Variants in DHRS3 observed in about 807,000 individuals in gnomAD.
DHRS3 encodes the protein dehydrogenase/reductase 3.
In DHRS3, 14 loss-of-function variants were observed where a neutral mutation model predicts 27.2. The observed-to-expected ratio is 0.52, with a 90% confidence interval of 0.34 to 0.81. DHRS3 has a LOEUF of 0.81. Among genes scored for constraint, DHRS3 ranks in the 30% least tolerant of loss-of-function variants. The pLI is 0.01. For synonymous variants in DHRS3, 165 were observed against 175.9 expected (o/e 0.94, Z 0.49); for missense variants, 322 against 406.2 (o/e 0.79, Z 1.78).
rs529181777 is a variant in DHRS3, at chr1:12,614,923, A to C, written c.195+2231T>G. Among the ~76,000 whole-genome samples, 1,000 of 151,568 alleles carry C rather than the reference A, an allele frequency of 6.6e-3. 11 individuals are homozygous for C. The highest frequency in any genetic ancestry group is 0.023 in the African/African-American group (959 of 41,290). On this transcript the variant is annotated intron_variant, in intron 1 of 5. Transcript: ENST00000616661. ...CACTGCAGGCTGCGGGTGGCACTGG[A>C]CCTCTCTGGTCTAGTACTCTTGGGC...
At chr1:12,580,364 A>C (rs1435355182) in intron 2 of DHRS3, 159 bp downstream of exon 2, 2 of 898,472 alleles carry the variant, frequency 2.2e-6, no homozygotes. Flanking sequence ...CTGCCTATGT[A>C]ACTGGGGCCA....
At chr1:12,588,286 G>A (rs772720907) in intron 1 of DHRS3, among the ~76,000 whole-genome samples, 3 of 152,200 alleles carry the variant, frequency 2.0e-5, no homozygotes, top group Non-Finnish European at 4.4e-5. Flanking sequence ...TAAATCTGTT[G>A]AGCAGTTGCC....
intron 5 of DHRS3, among the ~76,000 whole-genome samples, chr1:12,568,654 G>A (rs1404730305): frequency 7.2e-5 from 11 of 152,266 alleles, no homozygotes; most frequent in South Asian, 6.2e-4. Flanking sequence ...GGCTGGGCGC[G>A]GTGGCTCATG....
intron 1 of DHRS3, among the ~76,000 whole-genome samples, chr1:12,597,146 G>A (rs1208167543): frequency 2.6e-5 from 4 of 152,128 alleles, no homozygotes; most frequent in East Asian, 1.9e-4. Context: ...GCGCGATCTC[G>A]GCTCACTGCA....
chr1:12,590,781 G>A (rs1646739223), intron 1 of DHRS3, among the ~76,000 whole-genome samples: 1 of 152,206 alleles, frequency 6.6e-6, no homozygotes, highest in African/African-American at 2.4e-5. Flanking sequence ...GTGCTGGCCT[G>A]TCACTCGGGC....
intron 1 of DHRS3, among the ~76,000 whole-genome samples, 199 bp from the exon 2 acceptor site, chr1:12,580,865 C>A (rs2100662770): frequency 6.6e-6 from 1 of 152,184 alleles, no homozygotes; most frequent in Admixed American, 6.5e-5. Context: ...TTCTGTTGCC[C>A]AGGCTAGAAC....
chr1:12,608,329 G>A lies in DHRS3; in HGVS notation c.195+8825C>T, dbSNP rs575987615. On this transcript the variant is annotated intron_variant, in intron 1 of 5. Transcript: ENST00000616661. This position sits in a 1 kb window ranked among gnomAD's most constrained non-coding sequence, Gnocchi z 4.1. Reference sequence around the variant, plus strand: ...TGAATATTACTAGGAACGCAAGGAAGCCATCAGCATCCAGTTCAGAAGCCA... The same window carrying A: ...TGAATATTACTAGGAACGCAAGGAAACCATCAGCATCCAGTTCAGAAGCCA... Among the ~76,000 whole-genome samples the A allele has an allele frequency of 3.3e-5, 5 of 152,120 alleles. No individual in the cohort carries two copies. Among genetic ancestry groups the A allele is most frequent in the Non-Finnish European group, 7.4e-5 (5 of 68,024 alleles).
Position 12,608,807 on chromosome 1 carries a change from T to C in DHRS3, c.195+8347A>G, listed in dbSNP as rs1646888188. 6.6e-6 allele frequency among the ~76,000 whole-genome samples: 1 copy of C among 152,142 alleles called. No homozygotes were observed. The highest frequency in any genetic ancestry group is 6.5e-5 in the Admixed American group (1 of 15,272). On this transcript the variant is annotated intron_variant, in intron 1 of 5. Coordinates refer to ENST00000616661, the MANE Select transcript of DHRS3 (RefSeq NM_004753.7). This position sits in a 1 kb window ranked among gnomAD's most constrained non-coding sequence, Gnocchi z 4.1. ...GGCCTAGCATGGGCCTCCAGAACCA[T>C]CTAGAACAGGTCCCATGCCTCTGTG... is the stretch of plus-strand genomic sequence containing the variant.
At chr1:12,605,916 G>A (rs981018446) in intron 1 of DHRS3, among the ~76,000 whole-genome samples, 9 of 151,990 alleles carry the variant, frequency 5.9e-5, no homozygotes, top group Admixed American at 3.3e-4. Flanking sequence ...CGAGGCAGGC[G>A]GATCACAAGG....
In DHRS3 at chr1:12,610,848, C is replaced by T. The variant is rs113922075; in HGVS notation, c.195+6306G>A. ...TGTCTCCTGAAGACAACGGTGAGCACAGCCTTATAAAATTCTGGGTGTGTT... is the reference window on the plus strand; with the variant it reads ...TGTCTCCTGAAGACAACGGTGAGCATAGCCTTATAAAATTCTGGGTGTGTT... On this transcript the variant is annotated intron_variant, in intron 1 of 5. Coordinates refer to ENST00000616661, the MANE Select transcript of DHRS3 (RefSeq NM_004753.7). 3.7e-4 allele frequency among the ~76,000 whole-genome samples: 56 copies of T among 152,306 alleles called. 1 individual carries two copies. Among genetic ancestry groups the T allele is most frequent in the African/African-American group, 1.3e-3 (54 of 41,558 alleles).
chr1:12,614,532 G>A (rs1230941634), intron 1 of DHRS3, among the ~76,000 whole-genome samples: 5 of 149,366 alleles, frequency 3.3e-5, no homozygotes, highest in African/African-American at 9.9e-5. Context: ...AAAAACCCTC[G>A]CTTATTTGGG....
chr1:12,597,109 C>T (rs565118438), intron 1 of DHRS3, among the ~76,000 whole-genome samples: 5 of 152,296 alleles, frequency 3.3e-5, no homozygotes, highest in African/African-American at 9.6e-5. Flanking sequence ...CGGAGTCTCA[C>T]TCTGTCACCC....
At chr1:12,575,037 G>C (rs1246946276) in intron 4 of DHRS3, among the ~76,000 whole-genome samples, 1 of 152,132 alleles carries the variant, frequency 6.6e-6, no homozygotes, top group Admixed American at 6.5e-5. Context: ...CATCGAAGAG[G>C]CTCAATTGGC....
In DHRS3 at chr1:12,568,216, G is replaced by A. The variant is rs1366378393; in HGVS notation, c.*124C>T. 1.5e-5 allele frequency: 14 copies of A among 927,318 alleles called. No homozygotes were observed. Among genetic ancestry groups the A allele is most frequent in the African/African-American group, 3.3e-5 (2 of 61,220 alleles). 57.4% of individuals were successfully genotyped at this position (927,318 alleles called of 1,614,324 possible). A position where few individuals can be genotyped will look rare whatever the true frequency, so the allele number is the denominator to read the frequency against. Reference sequence around the variant, plus strand: ...TGGCCCAGGGGCAGCCGGATTCTTCGCTGGGGACAGGAGCTGTCCTGCTCA... The same window carrying A: ...TGGCCCAGGGGCAGCCGGATTCTTCACTGGGGACAGGAGCTGTCCTGCTCA... On this transcript the variant is annotated 3_prime_UTR_variant, in exon 6 of 6. Coordinates refer to ENST00000616661, the MANE Select transcript of DHRS3 (RefSeq NM_004753.7).
In DHRS3 at chr1:12,586,780, C is replaced by T. The variant is rs923884436; in HGVS notation, c.196-6114G>A. On this transcript the variant is annotated intron_variant, in intron 1 of 5. Coordinates refer to ENST00000616661, the MANE Select transcript of DHRS3 (RefSeq NM_004753.7). The surrounding 1 kb of genome is among the most constrained non-coding windows in gnomAD (Gnocchi z 5.0). ...GCTGGGATTTGAACCAAGGTCATGT[C>T]CAGCTCCACAGGCTGTGGGGATTGC... is the stretch of plus-strand genomic sequence containing the variant. 1.1e-4 allele frequency among the ~76,000 whole-genome samples: 16 copies of T among 152,306 alleles called. No individual in the cohort carries two copies. Among genetic ancestry groups the T allele is most frequent in the African/African-American group, 3.8e-4 (16 of 41,572 alleles).
At chr1:12,616,433 G>T in intron 1 of DHRS3, 3 of 496,344 alleles carry the variant, frequency 6.0e-6, no homozygotes, top group African/African-American at 2.1e-5. Flanking sequence ...GGCCGTGTTT[G>T]GTGGGCAGGA....
At position 12,594,980 on chromosome 1, in the gene DHRS3, T is replaced by G. The variant is rs1646775934; in HGVS notation, c.196-14314A>C. Among the ~76,000 whole-genome samples, 1 of 152,150 alleles carries G rather than the reference T, an allele frequency of 6.6e-6. No individual in the cohort carries two copies. Among genetic ancestry groups the G allele is most frequent in the Non-Finnish European group, 1.5e-5 (1 of 68,028 alleles). On this transcript the variant is annotated intron_variant, in intron 1 of 5. Transcript: ENST00000616661. This position sits in a 1 kb window ranked among gnomAD's most constrained non-coding sequence, Gnocchi z 4.1. ...ATGGAAGAATGAGGTTGCCGTTCCCTGAGCCCCAGCGCCTCCCTCTCCAGG... is the reference window on the plus strand; with the variant it reads ...ATGGAAGAATGAGGTTGCCGTTCCCGGAGCCCCAGCGCCTCCCTCTCCAGG...
rs1035240876 is a variant in DHRS3, at chr1:12,594,222, T to G, written c.196-13556A>C. ...CTCATGCAGGCTGCACTACTAGAAG[T>G]TTCAAAGCAAGGCTCGGACTCCAAA... is the stretch of plus-strand genomic sequence containing the variant. On this transcript the variant is annotated intron_variant, in intron 1 of 5. Coordinates refer to ENST00000616661, the MANE Select transcript of DHRS3 (RefSeq NM_004753.7). The surrounding 1 kb of genome is among the most constrained non-coding windows in gnomAD (Gnocchi z 4.1). Among the ~76,000 whole-genome samples, 1 of 152,150 alleles carries G rather than the reference T, an allele frequency of 6.6e-6. No homozygotes were observed. The highest frequency in any genetic ancestry group is 2.4e-5 in the African/African-American group (1 of 41,438).
rs1049837329 is a variant in DHRS3 at position 12,598,426 on chromosome 1, C to T, written c.196-17760G>A. Reference sequence around the variant, plus strand: ...TAACAACAGTACTCATCATAATTAGCATTTATTTAGGAGCTTCTCTGAGTT... The same window carrying T: ...TAACAACAGTACTCATCATAATTAGTATTTATTTAGGAGCTTCTCTGAGTT... On this transcript the variant is annotated intron_variant, in intron 1 of 5. Coordinates refer to ENST00000616661, the MANE Select transcript of DHRS3 (RefSeq NM_004753.7). Among the ~76,000 whole-genome samples the T allele has an allele frequency of 3.4e-4, 51 of 152,168 alleles. 1 individual carries two copies. The highest frequency in any genetic ancestry group is 3.3e-3 in the Admixed American group (51 of 15,280).
Sources: gnomAD v4.1 joint callset for allele counts (sites outside exome capture counted in the v4.1 genomes callset) on GRCh38, gnomAD v4.1.1 for gene constraint, Gnocchi (gnomAD v3.1) non-coding constraint, MANE v1.5 for transcripts, NCBI Gene and HGNC (gene_info 2026-07-23, HGNC 2026-07-21) for gene names.